Variants in NELL1 observed in about 807,000 individuals in gnomAD.
NELL1 encodes the protein neural EGFL like 1.
A neutral mutation model predicts 107.4 loss-of-function variants in NELL1; 76 were observed. The ratio of observed to expected loss-of-function variants is 0.71; its 90% CI spans 0.59 to 0.86. The LOEUF (loss-of-function observed/expected upper bound fraction) is 0.86. NELL1 is among the 40% of genes least tolerant of loss of function. The probability of loss-of-function intolerance (pLI) is 0.00; values close to 1 mark genes in which losing one functional copy is unlikely to be tolerated. For synonymous variants in NELL1, 353 were observed against 341.2 expected (o/e 1.03, Z -0.38); for missense variants, 1,024 against 1,005.5 (o/e 1.02, Z -0.25).
chr11:21,113,923 G>T (rs1477697368), intron 13 of NELL1, among the ~76,000 whole-genome samples: 3 of 151,978 alleles, frequency 2.0e-5, no homozygotes, highest in Non-Finnish European at 4.4e-5. Context: ...CTGCCTCTGT[G>T]TGTGTGCTTG....
intron 5 of NELL1, among the ~76,000 whole-genome samples, chr11:20,907,539 C>G (rs1291292558): frequency 6.6e-6 from 1 of 151,986 alleles, no homozygotes; most frequent in East Asian, 1.9e-4. Flanking sequence ...CATACCCCAC[C>G]AGTTATAATT....
At chr11:21,426,657 G>A (rs74322393) in intron 15 of NELL1, among the ~76,000 whole-genome samples, 191 of 152,280 alleles carry the variant, frequency 1.3e-3, no homozygotes, top group Non-Finnish European at 2.1e-3. Context: ...CTGAATCACT[G>A]AATTGGTTAT....
intron 2 of NELL1, among the ~76,000 whole-genome samples, chr11:20,713,824 G>A (rs1247073759): frequency 6.6e-6 from 1 of 152,132 alleles, no homozygotes; most frequent in African/African-American, 2.4e-5. Flanking sequence ...GCTGGAGATT[G>A]GGAGTGCCTA....
chr11:21,535,198 G>A (rs776898744), intron 16 of NELL1, among the ~76,000 whole-genome samples: 1 of 152,084 alleles, frequency 6.6e-6, no homozygotes, highest in Non-Finnish European at 1.5e-5. Flanking sequence ...TCACCTTCAA[G>A]ACCTTACAAC....
chr11:21,467,070 G>A lies in NELL1; in HGVS notation c.1646-67304G>A, dbSNP rs192909020. On this transcript the variant is annotated intron_variant, in intron 15 of 19. Transcript: ENST00000357134. The stretch of plus-strand genomic sequence containing the variant: ...AACAACTGGGATAATTGAAGGAAGA[G>A]TAGACTTTGGTTATTGTTGTTGTTA... 5.3e-3 allele frequency among the ~76,000 whole-genome samples: 807 copies of A among 152,186 alleles called. 6 individuals are homozygous for A. The highest frequency in any genetic ancestry group is 0.017 in the African/African-American group (707 of 41,542).
chr11:20,839,989 G>A (rs984090463), intron 3 of NELL1, among the ~76,000 whole-genome samples: 1 of 152,204 alleles, frequency 6.6e-6, no homozygotes, highest in Non-Finnish European at 1.5e-5. Flanking sequence ...AGGCCAAAAT[G>A]TTTGGGTTTG....
chr11:21,284,525 C>A, intron 14 of NELL1: 1 of 459,464 alleles, frequency 2.2e-6, no homozygotes, highest in South Asian at 1.5e-5. Flanking sequence ...ATCCTCAGCT[C>A]ACCTTAGAAG....
At position 21,190,761 on chromosome 11, in the gene NELL1, G is replaced by A. The variant is rs566485640; in HGVS notation, c.1427-38571G>A. 2.6e-5 allele frequency among the ~76,000 whole-genome samples: 4 copies of A among 151,952 alleles called. No homozygotes were observed. The South Asian group carries it at 8.3e-4, about 31-fold the overall frequency. ...AGATTATATTTTCTCACTTGATATT[G>A]CAAAAAGTGCAACTGGGTGTCAAAT... On this transcript the variant is annotated intron_variant, in intron 13 of 19. Transcript: ENST00000357134.
chr11:21,443,365 T>G (rs944440593), intron 15 of NELL1, among the ~76,000 whole-genome samples: 2 of 152,158 alleles, frequency 1.3e-5, no homozygotes, highest in Non-Finnish European at 2.9e-5. Context: ...TTAGGTGGAT[T>G]TATTTAAACC....
At chr11:20,858,729 G>T (rs1171154866) in intron 4 of NELL1, among the ~76,000 whole-genome samples, 2 of 152,184 alleles carry the variant, frequency 1.3e-5, no homozygotes, top group Non-Finnish European at 1.5e-5. Context: ...CCCCCTGGGG[G>T]TGGGGAGGGA....
chr11:21,122,561 A>G (rs1036552392), intron 13 of NELL1, among the ~76,000 whole-genome samples: 7 of 152,178 alleles, frequency 4.6e-5, no homozygotes, highest in Admixed American at 1.3e-4. Context: ...TTGCTAAGAT[A>G]ATTGAGAATA....
chr11:21,406,143 A>AAG (rs941662076), intron 15 of NELL1, among the ~76,000 whole-genome samples: 3 of 151,906 alleles, frequency 2.0e-5, no homozygotes, highest in South Asian at 4.1e-4. Context: ...AAGACAATGA[A>AAG]AGAGAGAGAG....
At chr11:21,411,220 G>A (rs1852369380) in intron 15 of NELL1, among the ~76,000 whole-genome samples, 1 of 152,006 alleles carries the variant, frequency 6.6e-6, no homozygotes, top group Non-Finnish European at 1.5e-5. Context: ...TCATAGAGTA[G>A]GCATTCAAGA....
At chr11:21,385,889 A>G (rs1318280528) in intron 15 of NELL1, among the ~76,000 whole-genome samples, 3 of 151,460 alleles carry the variant, frequency 2.0e-5, no homozygotes, top group African/African-American at 7.3e-5. Context: ...TCTAGCTGGA[A>G]CTCTTTGGAT....
At chr11:20,787,007 CAAAAAAAA>C (rs71443763) in intron 3 of NELL1, among the ~76,000 whole-genome samples, 1 of 60,854 alleles carries the variant, frequency 1.6e-5, no homozygotes, top group Non-Finnish European at 2.6e-5. Flanking sequence ...GACTCCGTCT[CAAAAAAAA>C]AAAAAAAAAA....
intron 15 of NELL1, among the ~76,000 whole-genome samples, chr11:21,378,521 C>T (rs907388197): frequency 5.3e-5 from 8 of 151,872 alleles, no homozygotes; most frequent in South Asian, 4.1e-4. Flanking sequence ...ACTCAGCCTA[C>T]TCTATGTTCA....
Position 20,847,663 on chromosome 11 carries a change from C to A in NELL1, c.416C>A (p.Ala139Glu). 1 of 1,613,830 alleles carries A rather than the reference C, an allele frequency of 6.2e-7. No homozygotes were observed. The highest frequency in any genetic ancestry group is 8.5e-7 in the Non-Finnish European group (1 of 1,179,840). The change falls in exon 4 of 20, where the codon GCA becomes GAA. Residue 139 changes from alanine (A) to glutamate (E), a missense_variant. Coordinates refer to ENST00000357134, the MANE Select transcript of NELL1 (RefSeq NM_006157.5). ...YIHNGKPRTE[A>E]LPYRMADGQW... Reference sequence around the variant, plus strand: ...CACAATGGGAAGCCAAGGACAGAGGCACTTCCTTACCGCATGGCAGATGGA... The same window carrying A: ...CACAATGGGAAGCCAAGGACAGAGGAACTTCCTTACCGCATGGCAGATGGA...
chr11:21,521,501 G>C (rs1855722878), intron 15 of NELL1, among the ~76,000 whole-genome samples: 1 of 148,706 alleles, frequency 6.7e-6, no homozygotes, highest in Non-Finnish European at 1.5e-5. Flanking sequence ...TGCCAATATT[G>C]TTCATGTCTT....
chr11:20,960,681 A>G, intron 12 of NELL1, 121 bp downstream of exon 12: 1 of 1,083,480 alleles, frequency 9.2e-7, no homozygotes. Flanking sequence ...CCTATAAGAA[A>G]TCATATCAAT....
Sources: allele counts gnomAD v4.1 joint callset (sites outside exome capture counted in the v4.1 genomes callset), GRCh38; gene constraint gnomAD v4.1.1; transcripts MANE v1.5; gene names NCBI Gene and HGNC (gene_info 2026-07-23, HGNC 2026-07-21).